CHMP4B: variants seen among roughly 807,000 people sequenced by gnomAD.
CHMP4B encodes charged multivesicular body protein 4B.
In CHMP4B, 1 loss-of-function variant was observed where a neutral mutation model predicts 25.1. The ratio of observed to expected loss-of-function variants is 0.04; its 90% CI spans 0.01 to 0.19. The LOEUF is 0.19. CHMP4B is among the 10% of genes least tolerant of loss of function. CHMP4B has a pLI of 1.00. For synonymous variants in CHMP4B, 101 were observed against 115.6 expected (o/e 0.87, Z 0.81); for missense variants, 151 against 289.7 (o/e 0.52, Z 3.48).
intron 1 of CHMP4B, 129 bp downstream of exon 1, chr20:33,811,787 C>A: frequency 2.1e-6 from 2 of 969,062 alleles, no homozygotes; most frequent in Non-Finnish European, 3.2e-6. Context: ...AGACTTCTTG[C>A]CGGGTCTGGG....
chr20:33,829,118 T>A (rs1351344989), intron 1 of CHMP4B, among the ~76,000 whole-genome samples: 1 of 152,186 alleles, frequency 6.6e-6, no homozygotes, highest in Non-Finnish European at 1.5e-5. Flanking sequence ...CATTAGGGAT[T>A]ATGACTTGAA....
chr20:33,836,384 C>T (rs1224269827), intron 1 of CHMP4B, among the ~76,000 whole-genome samples: 1 of 151,784 alleles, frequency 6.6e-6, no homozygotes, highest in South Asian at 2.1e-4. Context: ...AGGCCCAGAG[C>T]AGTGTTTATC....
At chr20:33,839,459 G>A (rs1489345598) in intron 1 of CHMP4B, among the ~76,000 whole-genome samples, 2 of 152,168 alleles carry the variant, frequency 1.3e-5, no homozygotes, top group East Asian at 3.8e-4. Flanking sequence ...TAGAGTCATC[G>A]ACCTAAGTGT....
chr20:33,850,521 G>T (rs1180163666), intron 2 of CHMP4B, among the ~76,000 whole-genome samples: 1 of 152,238 alleles, frequency 6.6e-6, no homozygotes, highest in Non-Finnish European at 1.5e-5. Context: ...GGGTCCTAGA[G>T]GATCCATAGG....
chr20:33,818,060 A>G (rs770998729), intron 1 of CHMP4B, among the ~76,000 whole-genome samples: 1 of 152,206 alleles, frequency 6.6e-6, no homozygotes, highest in Non-Finnish European at 1.5e-5. Flanking sequence ...TACTACCAAT[A>G]CTTACTTGTT....
chr20:33,822,234 C>G (rs1295165134), intron 1 of CHMP4B, among the ~76,000 whole-genome samples: 2 of 152,106 alleles, frequency 1.3e-5, no homozygotes, highest in Admixed American at 6.5e-5. Context: ...ACCTCCACCT[C>G]CTGGGTTCAA....
At chr20:33,829,205 G>A (rs1354271322) in intron 1 of CHMP4B, among the ~76,000 whole-genome samples, 1 of 152,218 alleles carries the variant, frequency 6.6e-6, no homozygotes, top group East Asian at 1.9e-4. Flanking sequence ...AGAGGAGGGT[G>A]TGTGGTATTT....
In CHMP4B at chr20:33,852,705, G is replaced by A. The variant is rs369922269; in HGVS notation, c.610+502G>A. ...AGAAAGTTCCAGGCACTGTGAGAAG[G>A]TGTGAGAGCGTGAGTCCAGGACAGC... On this transcript the variant is annotated intron_variant, in intron 4 of 4. Coordinates refer to ENST00000217402, the MANE Select transcript of CHMP4B (RefSeq NM_176812.5). Among the ~76,000 whole-genome samples the A allele has an allele frequency of 1.5e-3, 236 of 152,306 alleles. 11 individuals are homozygous for A. The South Asian group carries it at 0.048, about 31-fold the overall frequency.
intron 1 of CHMP4B, among the ~76,000 whole-genome samples, chr20:33,828,839 T>A (rs1394833138): frequency 6.6e-6 from 1 of 152,208 alleles, no homozygotes; most frequent in Non-Finnish European, 1.5e-5. Context: ...ATGAGTTTTT[T>A]AAATGTATAC....
chr20:33,852,231 C>G (rs374803587), intron 4 of CHMP4B, 28 bp downstream of exon 4: 2 of 1,613,634 alleles, frequency 1.2e-6, no homozygotes, highest in East Asian at 4.5e-5. Context: ...CATGGCACAC[C>G]GTGAGGTCAT....
intron 1 of CHMP4B, among the ~76,000 whole-genome samples, chr20:33,843,843 C>T (rs1297077692): frequency 6.6e-6 from 1 of 152,214 alleles, no homozygotes; most frequent in African/African-American, 2.4e-5. Context: ...GTTTCTGCAG[C>T]CCAGATGCTG....
At chr20:33,836,377 C>T (rs1363203116) in intron 1 of CHMP4B, among the ~76,000 whole-genome samples, 1 of 151,412 alleles carries the variant, frequency 6.6e-6, no homozygotes, top group African/African-American at 2.4e-5. Flanking sequence ...ATTAGGCAGG[C>T]CCAGAGCAGT....
At chr20:33,852,612 G>C (rs915316036) in intron 4 of CHMP4B, among the ~76,000 whole-genome samples, 12 of 152,188 alleles carry the variant, frequency 7.9e-5, no homozygotes, top group African/African-American at 2.9e-4. Flanking sequence ...CCCTTGGTAG[G>C]GGTTGGGAGG....
At chr20:33,828,499 GCAGT>G (rs774072448) in intron 1 of CHMP4B, among the ~76,000 whole-genome samples, 1 of 152,162 alleles carries the variant, frequency 6.6e-6, no homozygotes, top group Non-Finnish European at 1.5e-5. Flanking sequence ...ATTATAACTG[GCAGT>G]CAGTGGTGAG....
intron 3 of CHMP4B, 91 bp downstream of exon 3, chr20:33,851,157 C>T: frequency 2.4e-6 from 2 of 848,456 alleles, no homozygotes; most frequent in South Asian, 2.7e-5. Flanking sequence ...AGGCAGGGAG[C>T]ATTTGGACTT....
In CHMP4B at chr20:33,839,028, A is replaced by G. The variant is rs79301458; in HGVS notation, c.191-9439A>G. Among the ~76,000 whole-genome samples the G allele has an allele frequency of 3.3e-3, 504 of 152,250 alleles. 1 individual carries two copies. Among genetic ancestry groups the G allele is most frequent in the African/African-American group, 0.012 (490 of 41,546 alleles). On this transcript the variant is annotated intron_variant, in intron 1 of 4. Coordinates refer to ENST00000217402, the MANE Select transcript of CHMP4B (RefSeq NM_176812.5). The stretch of plus-strand genomic sequence containing the variant: ...GGGTCTCTGCTACTTCCCTCCAGGT[A>G]TAGTCACAGGGGAGGTCCTAGGCTC...
rs1012289696 is a variant in CHMP4B, at chr20:33,854,222, A to G, written c.*662A>G. Reference sequence around the variant, plus strand: ...GTGAGATTGTTAGAATTAAGTTCCAACTATACAGTTTTCTAACATAGCTAT... The same window carrying G: ...GTGAGATTGTTAGAATTAAGTTCCAGCTATACAGTTTTCTAACATAGCTAT... On this transcript the variant is annotated 3_prime_UTR_variant, in exon 5 of 5. Transcript: ENST00000217402. 3.2e-5 allele frequency: 5 copies of G among 154,486 alleles called. No individual in the cohort carries two copies. The highest frequency in any genetic ancestry group is 1.2e-4 in the African/African-American group (5 of 41,424). The allele number at this position is 154,486 out of a possible 1,614,324, so 9.6% of individuals were successfully genotyped here. A position where few individuals can be genotyped will look rare whatever the true frequency, so the allele number is the denominator to read the frequency against.
chr20:33,821,161 C>T (rs1286211871), intron 1 of CHMP4B, among the ~76,000 whole-genome samples: 4 of 151,464 alleles, frequency 2.6e-5, no homozygotes, highest in East Asian at 2.0e-4. Flanking sequence ...CTGAGATGGG[C>T]GGATTACCTG....
intron 1 of CHMP4B, among the ~76,000 whole-genome samples, chr20:33,838,695 A>G (rs1979455065): frequency 6.6e-6 from 1 of 152,162 alleles, no homozygotes; most frequent in South Asian, 2.1e-4. Context: ...ATTGCAGGGC[A>G]CAGGCTGAAT....
Sources: gnomAD v4.1 joint callset for allele counts (sites outside exome capture counted in the v4.1 genomes callset) on GRCh38, gnomAD v4.1.1 for gene constraint, MANE v1.5 for transcripts, NCBI Gene and HGNC (gene_info 2026-07-23, HGNC 2026-07-21) for gene names.